The following ARHGAP42 variants were observed in gnomAD, a reference collection of about 807,000 sequenced individuals.
The protein encoded by ARHGAP42 is Rho GTPase activating protein 42.
ARHGAP42 carries 63 observed loss-of-function variants against 125.0 expected under a neutral mutation model. That is an observed-to-expected ratio of 0.50 (90% CI 0.41 to 0.62). The LOEUF is 0.62. ARHGAP42 is among the 20% of genes least tolerant of loss of function. The pLI, the probability that ARHGAP42 is intolerant of heterozygous loss-of-function variation, is 0.00. For missense variants in ARHGAP42, 766 were observed against 1,024.2 expected (o/e 0.75, Z 3.44); for synonymous variants, 339 against 351.0 (o/e 0.97, Z 0.38).
At chr11:100,775,473 C>T (rs879256153) in intron 2 of ARHGAP42, among the ~76,000 whole-genome samples, 1 of 152,172 alleles carries the variant, frequency 6.6e-6, no homozygotes, top group Non-Finnish European at 1.5e-5. Flanking sequence ...TCCTGGAGCA[C>T]ACTCTTGCAT....
At chr11:100,869,898 T>C (rs1019401131) in intron 4 of ARHGAP42, among the ~76,000 whole-genome samples, 1 of 152,224 alleles carries the variant, frequency 6.6e-6, no homozygotes, top group African/African-American at 2.4e-5. Context: ...TAAGAAATGT[T>C]TGAAGCTTCC....
intron 3 of ARHGAP42, among the ~76,000 whole-genome samples, chr11:100,855,190 A>G (rs1161922917): frequency 1.3e-5 from 2 of 152,274 alleles, no homozygotes; most frequent in South Asian, 2.1e-4. Flanking sequence ...TTGAGAATAT[A>G]TAACTAAATC....
At chr11:100,791,007 G>A (rs1243713988) in intron 2 of ARHGAP42, among the ~76,000 whole-genome samples, 1 of 152,172 alleles carries the variant, frequency 6.6e-6, no homozygotes, top group Non-Finnish European at 1.5e-5. Flanking sequence ...AGAATAAGTG[G>A]CTCAAACATT....
At chr11:100,900,975 G>GT (rs1275027051) in intron 4 of ARHGAP42, among the ~76,000 whole-genome samples, 6 of 151,840 alleles carry the variant, frequency 4.0e-5, no homozygotes, top group African/African-American at 1.5e-4. Context: ...AGGTGGTCTG[G>GT]TTTTTAGAAT....
chr11:100,929,277 G>A (rs1214704748), intron 6 of ARHGAP42, among the ~76,000 whole-genome samples: 1 of 152,134 alleles, frequency 6.6e-6, no homozygotes, highest in Non-Finnish European at 1.5e-5. Context: ...TGCCAGCACT[G>A]ATCTGATAGG....
intron 6 of ARHGAP42, among the ~76,000 whole-genome samples, chr11:100,923,140 A>G (rs1023261152): frequency 6.6e-6 from 1 of 152,094 alleles, no homozygotes; most frequent in Admixed American, 6.6e-5. Context: ...GATGACCACT[A>G]CTTATGGTTC....
chr11:100,768,921 G>A (rs147911591), intron 1 of ARHGAP42, among the ~76,000 whole-genome samples: 4 of 152,110 alleles, frequency 2.6e-5, no homozygotes, highest in African/African-American at 4.8e-5. Flanking sequence ...TGAGAAAAAC[G>A]TCCTTAGGCT....
At chr11:100,843,487 C>T (rs1864988778) in intron 3 of ARHGAP42, among the ~76,000 whole-genome samples, 2 of 151,926 alleles carry the variant, frequency 1.3e-5, no homozygotes, top group African/African-American at 4.8e-5. Context: ...GAAGGGCATC[C>T]AAATAGGTAA....
chr11:100,817,059 A>C (rs567814266), intron 3 of ARHGAP42, among the ~76,000 whole-genome samples: 2 of 152,202 alleles, frequency 1.3e-5, no homozygotes, highest in Non-Finnish European at 2.9e-5. Flanking sequence ...GTAGGTGGGG[A>C]CCTGAAGACT....
At chr11:100,763,782 G>T (rs1486847611) in intron 1 of ARHGAP42, among the ~76,000 whole-genome samples, 1 of 152,160 alleles carries the variant, frequency 6.6e-6, no homozygotes, top group Non-Finnish European at 1.5e-5. Flanking sequence ...GAGCCACCGT[G>T]CCCGGCTCCT....
chr11:100,830,227 A>G (rs1328007872), intron 3 of ARHGAP42, among the ~76,000 whole-genome samples: 2 of 152,202 alleles, frequency 1.3e-5, no homozygotes, highest in Non-Finnish European at 2.9e-5. Context: ...GACGAGACTT[A>G]TACTGAATGC....
intron 12 of ARHGAP42, among the ~76,000 whole-genome samples, chr11:100,956,344 G>A (rs1458714043): frequency 6.6e-6 from 1 of 152,104 alleles, no homozygotes; most frequent in African/African-American, 2.4e-5. Flanking sequence ...TGACAATATA[G>A]GTTCATTTCT....
At chr11:100,975,739 A>G (rs1055007848) in intron 19 of ARHGAP42, among the ~76,000 whole-genome samples, 1 of 152,196 alleles carries the variant, frequency 6.6e-6, no homozygotes, top group Non-Finnish European at 1.5e-5. Flanking sequence ...TGTTTCATAA[A>G]CAAATTTTGT....
In ARHGAP42 at chr11:100,989,277, T is replaced by A; in HGVS notation, c.*476T>A. 2.5e-6 allele frequency: 1 copy of A among 395,868 alleles called. No homozygotes were observed. The highest frequency in any genetic ancestry group is 1.4e-4 in the South Asian group (1 of 7,276). 24.5% of individuals were successfully genotyped at this position (395,868 alleles called of 1,614,324 possible). On this transcript the variant is annotated 3_prime_UTR_variant, in exon 24 of 24. Coordinates refer to ENST00000298815, the MANE Select transcript of ARHGAP42 (RefSeq NM_152432.4). ...CTTAGAAATATACTGCTTTTATATA[T>A]GATTGTTTTGCTGGTCCTAAACATT...
chr11:100,842,630 T>C (rs903965797), intron 3 of ARHGAP42, among the ~76,000 whole-genome samples: 1 of 152,010 alleles, frequency 6.6e-6, no homozygotes, highest in African/African-American at 2.4e-5. Context: ...AGTGTGGTAA[T>C]GAATGGAAAT....
intron 7 of ARHGAP42, among the ~76,000 whole-genome samples, chr11:100,934,235 G>A (rs973155704): frequency 2.6e-5 from 4 of 151,896 alleles, no homozygotes; most frequent in African/African-American, 7.3e-5. Context: ...ATGTGGTTTC[G>A]AGGCATTCAA....
At chr11:100,903,155 A>ACACACACC (rs1236722352) in intron 4 of ARHGAP42, among the ~76,000 whole-genome samples, 4 of 151,126 alleles carry the variant, frequency 2.6e-5, no homozygotes, top group South Asian at 2.1e-4. Flanking sequence ...ACACACACAC[A>ACACACACC]CCAAGCTTTA....
intron 1 of ARHGAP42, among the ~76,000 whole-genome samples, chr11:100,722,632 G>C (rs902068552): frequency 6.6e-6 from 1 of 152,046 alleles, no homozygotes; most frequent in African/African-American, 2.4e-5. Context: ...CAGGTGATGC[G>C]CCCGCCTTGG....
intron 4 of ARHGAP42, among the ~76,000 whole-genome samples, chr11:100,875,176 T>C (rs1865792098): frequency 6.6e-6 from 1 of 151,254 alleles, no homozygotes; most frequent in Non-Finnish European, 1.5e-5. Flanking sequence ...TGAATGGTTG[T>C]TACATTTTTA....
Sources: gnomAD v4.1 joint callset for allele counts (sites outside exome capture counted in the v4.1 genomes callset) on GRCh38, gnomAD v4.1.1 for gene constraint, MANE v1.5 for transcripts, NCBI Gene and HGNC (gene_info 2026-07-23, HGNC 2026-07-21) for gene names.